CERS3: variants seen among roughly 807,000 people sequenced by gnomAD.
CERS3 encodes ceramide synthase 3, also known as LAG1 homolog, ceramide synthase 3.
In CERS3, 33 loss-of-function variants were observed where a neutral mutation model predicts 50.3. The ratio of observed to expected loss-of-function variants is 0.66; its 90% CI spans 0.50 to 0.88. The LOEUF is 0.88. Among genes scored for constraint, CERS3 ranks in the 40% least tolerant of loss-of-function variants. The pLI is 0.00. For missense variants in CERS3, 470 were observed against 460.3 expected (o/e 1.02, Z -0.19); for synonymous variants, 176 against 155.2 (o/e 1.13, Z -0.99).
At chr15:100,487,511 T>A (rs1191730928) in intron 4 of CERS3, among the ~76,000 whole-genome samples, 2 of 152,240 alleles carry the variant, frequency 1.3e-5, no homozygotes, top group Non-Finnish European at 2.9e-5. Flanking sequence ...TAACCTTACA[T>A]GGTCTGTCCT....
At chr15:100,468,397 T>G (rs1265182593) in intron 10 of CERS3, among the ~76,000 whole-genome samples, 1 of 152,178 alleles carries the variant, frequency 6.6e-6, no homozygotes, top group African/African-American at 2.4e-5. Context: ...CACTACACTC[T>G]GTTGTTCCTC....
intron 11 of CERS3, among the ~76,000 whole-genome samples, chr15:100,425,259 A>G (rs1373069732): frequency 6.6e-6 from 1 of 152,236 alleles, no homozygotes; most frequent in African/African-American, 2.4e-5. Flanking sequence ...ACAGTCCCCC[A>G]GACCCCAAAA....
chr15:100,473,997 G>A (rs1029485564), intron 8 of CERS3, among the ~76,000 whole-genome samples: 22 of 152,118 alleles, frequency 1.4e-4, no homozygotes, highest in Non-Finnish European at 8.8e-5. Flanking sequence ...GATGAACCTG[G>A]AAAACATTAC....
At position 100,402,712 on chromosome 15, in the gene CERS3, G is replaced by C. The variant is rs1164259377; in HGVS notation, c.*1C>G. On this transcript the variant is annotated 3_prime_UTR_variant, in exon 12 of 12. Transcript: ENST00000679737. ...GCCATGGGAGTCCTGTAGGCTTCCA[G>C]CTAATGGCCATGCTGGCCATTGGGA... The C allele has an allele frequency of 6.8e-6, 11 of 1,613,664 alleles. No individual in the cohort carries two copies. The highest frequency in any genetic ancestry group is 2.7e-5 in the African/African-American group (2 of 74,874).
intron 11 of CERS3, among the ~76,000 whole-genome samples, chr15:100,420,870 C>G (rs1051366105): frequency 6.6e-6 from 1 of 151,342 alleles, no homozygotes; most frequent in African/African-American, 2.4e-5. Context: ...AAGCCTTTGA[C>G]AAAATTCAAC....
At chr15:100,530,348 T>C (rs185420876), upstream of CERS3, among the ~76,000 whole-genome samples, 4 of 152,324 alleles carry the variant, frequency 2.6e-5, no homozygotes, top group Non-Finnish European at 4.4e-5. Context: ...CTTGGCACAA[T>C]GGCCTGCTCG....
chr15:100,450,959 C>A (rs1394446792), intron 11 of CERS3, among the ~76,000 whole-genome samples: 2 of 152,096 alleles, frequency 1.3e-5, no homozygotes, highest in Non-Finnish European at 1.5e-5. Flanking sequence ...GAAAACTTAT[C>A]TTTTATAAAT....
intron 11 of CERS3, among the ~76,000 whole-genome samples, chr15:100,407,779 T>C (rs991291492): frequency 6.6e-6 from 1 of 152,256 alleles, no homozygotes; most frequent in African/African-American, 2.4e-5. Flanking sequence ...TTAGGTATTG[T>C]AAGTAATCTA....
intron 11 of CERS3, among the ~76,000 whole-genome samples, chr15:100,414,578 G>A (rs547356226): frequency 6.6e-6 from 1 of 151,982 alleles, no homozygotes; most frequent in Admixed American, 6.6e-5. Flanking sequence ...TACCAAAACA[G>A]GCATATAGAC....
At chr15:100,491,733 GTATTC>G (rs1237568116) in intron 3 of CERS3, among the ~76,000 whole-genome samples, 3 of 151,994 alleles carry the variant, frequency 2.0e-5, no homozygotes, top group Non-Finnish European at 4.4e-5. Flanking sequence ...TGCTATTGCT[GTATTC>G]TATTAAGTTT....
intron 4 of CERS3, among the ~76,000 whole-genome samples, chr15:100,488,781 T>A (rs1236952340): frequency 1.4e-5 from 1 of 72,940 alleles, no homozygotes; most frequent in Non-Finnish European, 2.8e-5. Flanking sequence ...GATATATAAC[T>A]GTTTTTTTTT....
At chr15:100,444,139 T>A (rs1325111534) in intron 11 of CERS3, among the ~76,000 whole-genome samples, 1 of 152,222 alleles carries the variant, frequency 6.6e-6, no homozygotes, top group African/African-American at 2.4e-5. Context: ...CTGGCCATCA[T>A]GTCTCCGTGC....
chr15:100,432,088 A>G (rs2033165568), intron 11 of CERS3, among the ~76,000 whole-genome samples: 1 of 150,716 alleles, frequency 6.6e-6, no homozygotes, highest in Admixed American at 6.6e-5. Flanking sequence ...TTTTTAAGAG[A>G]CAGGGTCTTG....
chr15:100,514,952 A>C (rs2036449997), intron 2 of CERS3, among the ~76,000 whole-genome samples: 1 of 152,226 alleles, frequency 6.6e-6, no homozygotes, highest in South Asian at 2.1e-4. Flanking sequence ...ATTTTATTCT[A>C]AAAATCATGC....
At chr15:100,494,148 A>G (rs1243071915) in intron 3 of CERS3, among the ~76,000 whole-genome samples, 2 of 142,250 alleles carry the variant, frequency 1.4e-5, no homozygotes, top group Non-Finnish European at 3.0e-5. Flanking sequence ...CTCCTCCCCA[A>G]AGTTTGTTGT....
chr15:100,454,750 A>G (rs2034302837), intron 11 of CERS3, among the ~76,000 whole-genome samples: 2 of 151,970 alleles, frequency 1.3e-5, no homozygotes, highest in South Asian at 4.2e-4. Context: ...TCTGTGCAGC[A>G]AAGGAAACAA....
intron 11 of CERS3, among the ~76,000 whole-genome samples, chr15:100,412,398 A>G (rs1208514565): frequency 2.0e-5 from 3 of 152,130 alleles, no homozygotes; most frequent in African/African-American, 7.2e-5. Flanking sequence ...TCTCTATTCT[A>G]TACCATGGTC....
intron 11 of CERS3, among the ~76,000 whole-genome samples, chr15:100,439,727 C>A (rs1040877263): frequency 2.0e-5 from 3 of 152,198 alleles, no homozygotes; most frequent in African/African-American, 7.2e-5. Context: ...GGCTTTACGG[C>A]TTTGGAGGAA....
At chr15:100,472,522 AC>A (rs2035002744) in intron 9 of CERS3, among the ~76,000 whole-genome samples, 1 of 152,158 alleles carries the variant, frequency 6.6e-6, no homozygotes, top group African/African-American at 2.4e-5. Flanking sequence ...GGGAGTGTGA[AC>A]ATTCAACGGG....
Sources: allele counts gnomAD v4.1 joint callset (sites outside exome capture counted in the v4.1 genomes callset), GRCh38; gene constraint gnomAD v4.1.1; transcripts MANE v1.5; gene names NCBI Gene and HGNC (gene_info 2026-07-23, HGNC 2026-07-21).